The following SH3RF2 variants were observed in gnomAD, a reference collection of about 807,000 sequenced individuals.
SH3RF2 encodes the protein E3 ubiquitin-protein ligase SH3RF2.
In SH3RF2, 43 loss-of-function variants were observed where a neutral mutation model predicts 59.0. That is an observed-to-expected ratio of 0.73 (90% confidence interval 0.57 to 0.94). The LOEUF (loss-of-function observed/expected upper bound fraction) is 0.94, where lower values mean the gene tolerates loss of function less well. SH3RF2 is among the 40% of genes least tolerant of loss of function. The pLI, the probability that SH3RF2 is intolerant of heterozygous loss-of-function variation, is 0.00. For synonymous variants in SH3RF2, 391 were observed against 391.5 expected (o/e 1.00, Z 0.01); for missense variants, 930 against 940.1 (o/e 0.99, Z 0.14).
At chr5:145,988,534 G>A (rs73792790) in intron 2 of SH3RF2, among the ~76,000 whole-genome samples, 2,444 of 151,900 alleles carry the variant, frequency 0.016, 63 homozygotes, top group African/African-American at 0.054. Flanking sequence ...TAAATGTTTT[G>A]GCCAAAGTTA....
At position 146,045,560 on chromosome 5, in the gene SH3RF2, A is replaced by G. The variant is rs11960523; in HGVS notation, c.1060-2212A>G. Among the ~76,000 whole-genome samples, 93 of 152,364 alleles carry G rather than the reference A, an allele frequency of 6.1e-4. 1 individual carries two copies. Among genetic ancestry groups the G allele is most frequent in the Middle Eastern group, 3.4e-3 (1 of 294 alleles). ...GATTGACTTATTCTGGACATTTCAT[A>G]TAAATGGAATCAACTAATATGTGGT... On this transcript the variant is annotated intron_variant, in intron 5 of 9. Coordinates refer to ENST00000359120, the MANE Select transcript of SH3RF2 (RefSeq NM_152550.4).
In SH3RF2 at chr5:146,014,076, C is replaced by T; in HGVS notation, c.1059+15C>T. On this transcript the variant is annotated intron_variant, in intron 5 of 9. Transcript: ENST00000359120. Reference sequence around the variant, plus strand: ...GTGTGGGACAGGTAGGGAAGAAACGCCTGGGATGAGGGCACTTTGGAGTTG... The same window carrying T: ...GTGTGGGACAGGTAGGGAAGAAACGTCTGGGATGAGGGCACTTTGGAGTTG... 1.2e-6 allele frequency: 2 copies of T among 1,609,742 alleles called. No individual in the cohort carries two copies. Among genetic ancestry groups the T allele is most frequent in the Admixed American group, 1.7e-5 (1 of 58,390 alleles).
chr5:145,999,946 A>C, intron 2 of SH3RF2, 112 bp from the exon 3 acceptor site: 1 of 1,291,698 alleles, frequency 7.7e-7, no homozygotes, highest in Non-Finnish European at 1.1e-6. Context: ...TAAAAAACTC[A>C]GTATTTGCAA....
chr5:145,967,307 C>G (rs1354531551), intron 2 of SH3RF2, among the ~76,000 whole-genome samples: 1 of 152,122 alleles, frequency 6.6e-6, no homozygotes, highest in Non-Finnish European at 1.5e-5. Context: ...TGAATCCTGC[C>G]CTAGTCAGTC....
exon 10 of SH3RF2, chr5:146,079,671 C>T (rs1763393994): frequency 1.3e-5 from 2 of 152,164 alleles, no homozygotes; most frequent in Admixed American, 1.3e-4. Flanking sequence ...CTATGTGAAG[C>T]TATCACATGC....
intron 2 of SH3RF2, among the ~76,000 whole-genome samples, chr5:145,981,883 T>C (rs1374203871): frequency 6.6e-6 from 1 of 152,216 alleles, no homozygotes; most frequent in Non-Finnish European, 1.5e-5. Context: ...GCAGTGCTTC[T>C]AGAGGCATCA....
chr5:145,979,385 A>G (rs1759425752), intron 2 of SH3RF2, among the ~76,000 whole-genome samples: 1 of 152,210 alleles, frequency 6.6e-6, no homozygotes, highest in African/African-American at 2.4e-5. Context: ...ACTTTTAAAG[A>G]GGGATTTGTT....
chr5:146,024,655 A>AT (rs375671942), intron 5 of SH3RF2, among the ~76,000 whole-genome samples: 428 of 151,946 alleles, frequency 2.8e-3, no homozygotes, highest in African/African-American at 8.9e-3. Flanking sequence ...TTATCACTGC[A>AT]TTTTTTTCTA....
chr5:146,048,067 C>T (rs1401694680), intron 6 of SH3RF2, among the ~76,000 whole-genome samples: 2 of 152,146 alleles, frequency 1.3e-5, no homozygotes, highest in Non-Finnish European at 2.9e-5. Flanking sequence ...AATCCCAGCA[C>T]TTCAGTAAGC....
chr5:145,943,443 A>C (rs536250432), intron 2 of SH3RF2, among the ~76,000 whole-genome samples: 1 of 152,358 alleles, frequency 6.6e-6, no homozygotes, highest in East Asian at 1.9e-4. Context: ...AAATTTATAC[A>C]AATAAATGCC....
chr5:146,064,829 AAAG>A (rs1561773848), downstream of SH3RF2, among the ~76,000 whole-genome samples: 4 of 13,884 alleles, frequency 2.9e-4, no homozygotes, highest in East Asian at 0.077. Flanking sequence ...AGAAAGAAAG[AAAG>A]AAAGAAAGAA....
chr5:146,057,149 G>A lies in SH3RF2; in HGVS notation c.1555+936G>A, dbSNP rs181229194. 1.3e-3 allele frequency among the ~76,000 whole-genome samples: 196 copies of A among 152,360 alleles called. 2 individuals are homozygous for A. Among genetic ancestry groups the A allele is most frequent in the Non-Finnish European group, 2.5e-3 (171 of 68,028 alleles). On this transcript the variant is annotated intron_variant, in intron 8 of 9. Transcript: ENST00000359120. ...GATGAATTAACATGAAAACGCAATA[G>A]GATTGGTCAATACAGAAGAGTAACG...
intron 5 of SH3RF2, among the ~76,000 whole-genome samples, chr5:146,036,771 C>A (rs1212905945): frequency 1.3e-5 from 2 of 152,180 alleles, no homozygotes; most frequent in African/African-American, 2.4e-5. Flanking sequence ...GCATATTTGT[C>A]TTTGTGGTTT....
At chr5:145,961,385 T>C (rs919290286) in intron 2 of SH3RF2, among the ~76,000 whole-genome samples, 1 of 152,180 alleles carries the variant, frequency 6.6e-6, no homozygotes, top group Non-Finnish European at 1.5e-5. Context: ...ACTGTTTCTT[T>C]CTGTCCTGAG....
At position 146,053,900 on chromosome 5, in the gene SH3RF2, G is replaced by A. The variant is rs1762582219; in HGVS notation, c.1323-2081G>A. Among the ~76,000 whole-genome samples the A allele has an allele frequency of 2.0e-5, 3 of 152,160 alleles. No homozygotes were observed. In the South Asian group the frequency reaches 6.2e-4, roughly 32 times the overall value. On this transcript the variant is annotated intron_variant, in intron 7 of 9. Transcript: ENST00000359120. The stretch of plus-strand genomic sequence containing the variant: ...TTACTGGGAGGCTGCTGCCAGTGGT[G>A]AACACAGTAGAGCTGCTGTTTGTGA...
rs1006683907 is a variant in SH3RF2, at chr5:145,997,259, A to T, written c.379-2799A>T. 1.2e-5 allele frequency: 11 copies of T among 947,618 alleles called. No individual in the cohort carries two copies. In the African/African-American group the frequency reaches 1.8e-4, roughly 15 times the overall value. 58.7% of individuals were successfully genotyped at this position (947,618 alleles called of 1,614,324 possible). ...CCATGCCTGCAAGTCTGATACATGC[A>T]TCTGTAAATGTACATGGAACCAAAG... On this transcript the variant is annotated intron_variant, in intron 2 of 9. Coordinates refer to ENST00000359120, the MANE Select transcript of SH3RF2 (RefSeq NM_152550.4).
intron 2 of SH3RF2, among the ~76,000 whole-genome samples, chr5:145,957,207 A>C (rs1250965556): frequency 6.6e-6 from 1 of 152,246 alleles, no homozygotes; most frequent in Non-Finnish European, 1.5e-5. Flanking sequence ...TACTTTCAAC[A>C]GATATTGCAT....
chr5:146,059,789 A>G lies in SH3RF2; in HGVS notation c.1556-77A>G. ...GCTTGTCTATTCTGGGATATCAGGA[A>G]GCACTGCTTACCCAGCCCCACCCAA... is the stretch of plus-strand genomic sequence containing the variant. On this transcript the variant is annotated intron_variant, in intron 8 of 9. Coordinates refer to ENST00000359120, the MANE Select transcript of SH3RF2 (RefSeq NM_152550.4). 3.0e-6 allele frequency: 3 copies of G among 1,000,820 alleles called. No homozygotes were observed. In the South Asian group the frequency reaches 8.1e-5, roughly 27 times the overall value. 62.0% of individuals were successfully genotyped at this position (1,000,820 alleles called of 1,614,324 possible). A position where few individuals can be genotyped will look rare whatever the true frequency, so the allele number is the denominator to read the frequency against.
intron 2 of SH3RF2, among the ~76,000 whole-genome samples, chr5:145,984,856 G>A (rs1759641718): frequency 6.6e-6 from 1 of 152,182 alleles, no homozygotes; most frequent in Non-Finnish European, 1.5e-5. Flanking sequence ...AGGTCTTGGT[G>A]ATTAAAAATC....
Sources: allele counts gnomAD v4.1 joint callset (sites outside exome capture counted in the v4.1 genomes callset), GRCh38; gene constraint gnomAD v4.1.1; transcripts MANE v1.5; gene names NCBI Gene and HGNC (gene_info 2026-07-23, HGNC 2026-07-21).